BTBD9: variants seen among roughly 807,000 people sequenced by gnomAD.
BTBD9 encodes BTB/POZ domain-containing protein 9.
Under a neutral mutation model 64.3 loss-of-function variants are expected in BTBD9, and 49 were observed. That is an observed-to-expected ratio of 0.76 (90% CI 0.61 to 0.97). The LOEUF is 0.97. Among genes scored for constraint, BTBD9 ranks in the 50% least tolerant of loss-of-function variants. The pLI is 0.00. For synonymous variants in BTBD9, 260 were observed against 274.7 expected, an observed-to-expected ratio of 0.95 and a Z score of 0.53; for missense variants, 598 against 762.1, an observed-to-expected ratio of 0.78 and a Z score of 2.53.
At chr6:38,638,748 A>G (rs1778617411) in intron 1 of BTBD9, among the ~76,000 whole-genome samples, 1 of 152,218 alleles carries the variant, frequency 6.6e-6, no homozygotes, top group Non-Finnish European at 1.5e-5. Flanking sequence ...AAAACATTAG[A>G]TTTCAGTACA....
intron 1 of BTBD9, 80 bp from the exon 2 acceptor site, chr6:38,598,201 G>C: frequency 9.0e-7 from 1 of 1,112,450 alleles, no homozygotes; most frequent in Non-Finnish European, 1.3e-6. Context: ...ACACAGCTAA[G>C]TAAAAATTTA....
Position 38,577,558 on chromosome 6 carries a change from T to TA in BTBD9, c.1154+41dup, listed in dbSNP as rs748666078. The TA allele has an allele frequency of 3.2e-6, 5 of 1,567,026 alleles. No individual in the cohort carries two copies. The African/African-American group carries it at 6.9e-5, about 22-fold the overall frequency. On this transcript the variant is annotated intron_variant, in intron 6 of 10. Transcript: ENST00000481247. ...CTGCTTCTCCAAGTCCAAATCTCCT[T>TA]ATATAAGAATAAAAATCATTTATTA... is the stretch of plus-strand genomic sequence containing the variant.
intron 6 of BTBD9, among the ~76,000 whole-genome samples, chr6:38,429,257 C>A (rs1456513739): frequency 6.6e-6 from 1 of 151,002 alleles, no homozygotes; most frequent in Admixed American, 6.6e-5. Flanking sequence ...GAGTTCAAGA[C>A]CAGCCTGGCC....
At chr6:38,352,768 A>G in intron 6 of BTBD9, among the ~76,000 whole-genome samples, 1 of 152,202 alleles carries the variant, frequency 6.6e-6, no homozygotes, top group South Asian at 2.1e-4. Context: ...CAAAGACCAA[A>G]ATAAAACAAA....
rs565960613 is a variant in BTBD9, at chr6:38,445,205, C to T, written c.1155-100112G>A. ...TTTGTTGTATGAGTGAGAAATATGG[C>T]ACTAAGATTTTTAGAGTGGTCTATA... On this transcript the variant is annotated intron_variant, in intron 6 of 10. Transcript: ENST00000481247. Among the ~76,000 whole-genome samples, 5 of 152,282 alleles carry T rather than the reference C, an allele frequency of 3.3e-5. No individual in the cohort carries two copies. The East Asian group carries it at 7.7e-4, about 24-fold the overall frequency.
intron 6 of BTBD9, among the ~76,000 whole-genome samples, chr6:38,471,275 T>C (rs1348838919): frequency 1.3e-5 from 2 of 152,164 alleles, no homozygotes; most frequent in African/African-American, 4.8e-5. Flanking sequence ...ACAATAATCA[T>C]TTCAACTGGC....
chr6:38,591,407 C>T (rs145865953), intron 4 of BTBD9, among the ~76,000 whole-genome samples: 1 of 152,172 alleles, frequency 6.6e-6, no homozygotes, highest in African/African-American at 2.4e-5. Context: ...CTCAACCATA[C>T]CAAGCCACTT....
chr6:38,205,879 C>CAAAA lies in BTBD9; in HGVS notation c.1563-13286_1563-13283dup, dbSNP rs772167899. Among the ~76,000 whole-genome samples, 27 of 47,274 alleles carry CAAAA rather than the reference C, an allele frequency of 5.7e-4. 2 individuals are homozygous for CAAAA. Among genetic ancestry groups the CAAAA allele is most frequent in the South Asian group, 2.8e-3 (3 of 1,086 alleles). The allele number at this position is 47,274 out of a possible 152,430, so 31.0% of individuals were successfully genotyped here. A position where few individuals can be genotyped will look rare whatever the true frequency, so the allele number is the denominator to read the frequency against. ...AGCCTGAGAGAGCAGGAGTCTGTCT[C>CAAAA]AAAAAAAAAAAAGAAAGAAAGAAAG... On this transcript the variant is annotated intron_variant, in intron 9 of 10. Coordinates refer to ENST00000481247, the MANE Select transcript of BTBD9 (RefSeq NM_001099272.2).
intron 6 of BTBD9, among the ~76,000 whole-genome samples, chr6:38,495,042 C>G (rs2127394575): frequency 6.6e-6 from 1 of 152,228 alleles, no homozygotes; most frequent in South Asian, 2.1e-4. Context: ...TATTTTTTCC[C>G]TTTTCTGCCT....
At chr6:38,426,329 T>C (rs1211572298) in intron 6 of BTBD9, among the ~76,000 whole-genome samples, 2 of 151,940 alleles carry the variant, frequency 1.3e-5, no homozygotes, top group Admixed American at 6.5e-5. Flanking sequence ...CAATCATCTA[T>C]TGCCTGACAG....
At chr6:38,628,529 C>T (rs184141144) in intron 1 of BTBD9, among the ~76,000 whole-genome samples, 9 of 152,086 alleles carry the variant, frequency 5.9e-5, no homozygotes, top group East Asian at 1.9e-4. Flanking sequence ...TGAACAAAGG[C>T]GTTACAAACA....
At chr6:38,429,607 C>A (rs1768349359) in intron 6 of BTBD9, among the ~76,000 whole-genome samples, 1 of 151,936 alleles carries the variant, frequency 6.6e-6, no homozygotes, top group Non-Finnish European at 1.5e-5. Flanking sequence ...TGGCTAAAAT[C>A]AAGTTACACT....
At position 38,345,089 on chromosome 6, in the gene BTBD9, T is replaced by C; in HGVS notation, c.1159A>G (p.Ile387Val). 1.9e-6 allele frequency: 3 copies of C among 1,592,138 alleles called. No individual in the cohort carries two copies. The highest frequency in any genetic ancestry group is 2.2e-5 in the East Asian group (1 of 44,640). ...LYFPARVCRY[I>V]RIVGTHNTVN... ...GTGTTGTGAGTCCCAACAATTCGAATATACCTGACGGTAAAAAGAAAAGAA... is the reference window on the plus strand; with the variant it reads ...GTGTTGTGAGTCCCAACAATTCGAACATACCTGACGGTAAAAAGAAAAGAA... Residue 387 changes from isoleucine to valine, a missense_variant, in exon 7 of 11, where the codon ATT (isoleucine) becomes GTT (valine). Coordinates refer to ENST00000481247, the MANE Select transcript of BTBD9 (RefSeq NM_001099272.2).
intron 6 of BTBD9, among the ~76,000 whole-genome samples, chr6:38,576,758 T>G (rs1776054537): frequency 6.6e-6 from 1 of 152,114 alleles, no homozygotes; most frequent in Non-Finnish European, 1.5e-5. Context: ...ATCTTTTGAC[T>G]TTAAGGTAAA....
intron 1 of BTBD9, among the ~76,000 whole-genome samples, chr6:38,605,685 G>A (rs1156284160): frequency 6.6e-6 from 1 of 152,126 alleles, no homozygotes; most frequent in African/African-American, 2.4e-5. Flanking sequence ...TGGCATGGTG[G>A]TGTGCATCTG....
chr6:38,243,445 C>T (rs1325542415), intron 9 of BTBD9, among the ~76,000 whole-genome samples: 2 of 151,842 alleles, frequency 1.3e-5, no homozygotes, highest in African/African-American at 2.4e-5. Flanking sequence ...CAGCAACAGA[C>T]GTAGAGTATA....
chr6:38,568,410 T>C (rs1028996995), intron 6 of BTBD9, among the ~76,000 whole-genome samples: 8 of 152,188 alleles, frequency 5.3e-5, no homozygotes, highest in African/African-American at 1.9e-4. Flanking sequence ...AGAAGCTGGA[T>C]TGAAGGTCCT....
chr6:38,491,373 A>C lies in BTBD9; in HGVS notation c.1154+86227T>G, dbSNP rs372024766. Reference sequence around the variant, plus strand: ...CAACAAAGCCCTGAGTCCAGGTGACACAGGGTCATGAGAAATCACATTAAT... The same window carrying C: ...CAACAAAGCCCTGAGTCCAGGTGACCCAGGGTCATGAGAAATCACATTAAT... On this transcript the variant is annotated intron_variant, in intron 6 of 10. Coordinates refer to ENST00000481247, the MANE Select transcript of BTBD9 (RefSeq NM_001099272.2). Among the ~76,000 whole-genome samples the C allele has an allele frequency of 1.9e-3, 289 of 152,372 alleles. 1 individual carries two copies. The highest frequency in any genetic ancestry group is 6.5e-3 in the African/African-American group (271 of 41,590).
intron 6 of BTBD9, among the ~76,000 whole-genome samples, chr6:38,352,249 C>T (rs376260675): frequency 2.0e-5 from 3 of 151,840 alleles, no homozygotes; most frequent in Admixed American, 6.6e-5. Flanking sequence ...TGGTGGTGCA[C>T]GCCTGTAGTT....
Sources: allele counts gnomAD v4.1 joint callset (sites outside exome capture counted in the v4.1 genomes callset), GRCh38; gene constraint gnomAD v4.1.1; transcripts MANE v1.5; gene names NCBI Gene and HGNC (gene_info 2026-07-23, HGNC 2026-07-21).